The following TRIP12 variants were observed in gnomAD, a reference collection of about 807,000 sequenced individuals.
TRIP12 encodes the protein E3 ubiquitin-protein ligase TRIP12.
TRIP12 carries 25 observed loss-of-function variants against 244.2 expected under a neutral mutation model. The observed-to-expected ratio is 0.10, with a 90% CI of 0.07 to 0.14. The LOEUF is 0.14. Among genes scored for constraint, TRIP12 ranks in the 10% least tolerant of loss-of-function variants. TRIP12 has a pLI of 1.00. For missense variants in TRIP12, 1,677 were observed against 2,486.4 expected (o/e 0.67, Z 6.92); for synonymous variants, 905 against 873.1 (o/e 1.04, Z -0.64).
chr2:229,832,814 T>C (rs1001315860), intron 6 of TRIP12, among the ~76,000 whole-genome samples: 1 of 152,246 alleles, frequency 6.6e-6, no homozygotes, highest in African/African-American at 2.4e-5. Context: ...CAGTTGCTTC[T>C]TCACATTATA....
intron 1 of TRIP12, among the ~76,000 whole-genome samples, chr2:229,880,733 C>T (rs1304915207): frequency 2.0e-5 from 3 of 152,260 alleles, no homozygotes; most frequent in Admixed American, 1.3e-4. Context: ...CATCTGAGGT[C>T]AGGAGTTCAA....
At chr2:229,900,042 T>A (rs1330180954) in intron 1 of TRIP12, among the ~76,000 whole-genome samples, 2 of 152,228 alleles carry the variant, frequency 1.3e-5, no homozygotes, top group African/African-American at 4.8e-5. Context: ...TTAACTGACA[T>A]GGGTTTATTC....
At chr2:229,793,275 G>T (rs992020505) in intron 26 of TRIP12, 130 bp from the exon 27 acceptor site, 6 of 875,730 alleles carry the variant, frequency 6.9e-6, no homozygotes, top group Non-Finnish European at 9.7e-6. Context: ...TTACTTACCA[G>T]TTCTGTGAAT....
At chr2:229,874,625 C>G (rs2063272261) in intron 2 of TRIP12, among the ~76,000 whole-genome samples, 1 of 151,544 alleles carries the variant, frequency 6.6e-6, no homozygotes, top group Non-Finnish European at 1.5e-5. Flanking sequence ...AACATCATCC[C>G]TATTATTTGT....
chr2:229,843,106 C>A (rs940917601), intron 4 of TRIP12, among the ~76,000 whole-genome samples: 1 of 145,602 alleles, frequency 6.9e-6, no homozygotes, highest in Non-Finnish European at 1.5e-5. Flanking sequence ...CTCTCCCTCC[C>A]TCTCTCCCCA....
At chr2:229,857,772 A>C (rs2059842242) in intron 4 of TRIP12, among the ~76,000 whole-genome samples, 1 of 152,216 alleles carries the variant, frequency 6.6e-6, no homozygotes, top group Admixed American at 6.5e-5. Flanking sequence ...TGACTCATGA[A>C]GGAATGCACA....
chr2:229,787,097 A>T (rs1246409515), intron 33 of TRIP12, among the ~76,000 whole-genome samples: 2 of 152,214 alleles, frequency 1.3e-5, no homozygotes, highest in Non-Finnish European at 2.9e-5. Flanking sequence ...GGCTCTTCTA[A>T]TTGGAGTGAC....
chr2:229,851,004 T>G (rs1429348286), intron 4 of TRIP12, among the ~76,000 whole-genome samples: 1 of 152,166 alleles, frequency 6.6e-6, no homozygotes, highest in Non-Finnish European at 1.5e-5. Context: ...TTCCCCCACC[T>G]CCGTGGGCTC....
chr2:229,922,289 G>A (rs143723443), upstream of TRIP12: 2 of 563,272 alleles, frequency 3.6e-6, no homozygotes, highest in Admixed American at 3.1e-5. Context: ...TCCCCTCCGT[G>A]GTAGCAGGAA....
rs144686733 is a variant in TRIP12 at position 229,796,748 on chromosome 2, C to T, written c.3659G>A (p.Arg1220His). 2.5e-6 allele frequency: 4 copies of T among 1,600,886 alleles called. No homozygotes were observed. Among genetic ancestry groups the T allele is most frequent in the Non-Finnish European group, 3.4e-6 (4 of 1,175,950 alleles). ...AACATCTGACTCTGAGACTATGCTACGGATTTCTACAAGGCACTCAGCTCC... is the reference window on the plus strand; with the variant it reads ...AACATCTGACTCTGAGACTATGCTATGGATTTCTACAAGGCACTCAGCTCC... Reference protein sequence around the residue: ...DGGAECLVEIRSIVSESDVSS... With the variant: ...DGGAECLVEIHSIVSESDVSS... Residue 1220 changes from arginine to histidine, a missense_variant, in exon 25 of 42, where the codon CGT becomes CAT. Arg to His is a conservative substitution (Grantham distance 29). Coordinates refer to ENST00000675903, the MANE Select transcript of TRIP12 (RefSeq NM_001348323.3).
chr2:229,833,157 A>G (rs1045160021), intron 6 of TRIP12, among the ~76,000 whole-genome samples: 5 of 152,372 alleles, frequency 3.3e-5, no homozygotes, highest in African/African-American at 4.8e-5. Context: ...TTCATAATGA[A>G]TATCTCAAAC....
chr2:229,853,861 T>C (rs1300251436), intron 4 of TRIP12, among the ~76,000 whole-genome samples: 1 of 152,194 alleles, frequency 6.6e-6, no homozygotes. Context: ...ATAGGGTTGG[T>C]ATCATAACTA....
chr2:229,906,273 T>C (rs1232474495), intron 1 of TRIP12, among the ~76,000 whole-genome samples: 1 of 135,998 alleles, frequency 7.4e-6, no homozygotes, highest in Non-Finnish European at 1.5e-5. Flanking sequence ...GCCACTGCAC[T>C]CCAACCTGGC....
At chr2:229,866,629 C>T (rs564648033) in intron 2 of TRIP12, among the ~76,000 whole-genome samples, 1 of 152,216 alleles carries the variant, frequency 6.6e-6, no homozygotes, top group East Asian at 1.9e-4. Context: ...TACTAAGCTA[C>T]TCATTTCAAA....
At position 229,798,740 on chromosome 2, in the gene TRIP12, TG is replaced by T. The variant is rs2043440049; in HGVS notation, c.3482+134del. On this transcript the variant is annotated intron_variant, in intron 23 of 41. Transcript: ENST00000675903. ...ATAAACTGAGAAACTACCTAATTCTTGAACTATGCTTTTAAGAACAAATTAA... is the reference window on the plus strand; with the variant it reads ...ATAAACTGAGAAACTACCTAATTCTTAACTATGCTTTTAAGAACAAATTAA... 3.0e-6 allele frequency: 3 copies of T among 990,346 alleles called. No individual in the cohort carries two copies. The South Asian group carries it at 5.2e-5, about 17-fold the overall frequency. The allele number at this position is 990,346 out of a possible 1,614,324, so 61.3% of individuals were successfully genotyped here.
At position 229,786,564 on chromosome 2, in the gene TRIP12, A is replaced by ATTT. The variant is rs34969936; in HGVS notation, c.4996-712_4996-710dup. Reference sequence around the variant, plus strand: ...AGGCATGCGCCACCACGCCCAGATAATTTTTTTTTTTTTTTTTTTTTTTTT... The same window carrying ATTT: ...AGGCATGCGCCACCACGCCCAGATAATTTTTTTTTTTTTTTTTTTTTTTTTTTT... On this transcript the variant is annotated intron_variant, in intron 33 of 41. Coordinates refer to ENST00000675903, the MANE Select transcript of TRIP12 (RefSeq NM_001348323.3). Among the ~76,000 whole-genome samples the ATTT allele has an allele frequency of 2.9e-4, 23 of 78,022 alleles. 2 individuals are homozygous for ATTT. The highest frequency in any genetic ancestry group is 5.2e-4 in the Admixed American group (3 of 5,810). The allele number at this position is 78,022 out of a possible 152,430, so 51.2% of individuals were successfully genotyped here. A position where few individuals can be genotyped will look rare whatever the true frequency, so the allele number is the denominator to read the frequency against.
At chr2:229,906,070 C>T (rs1002074694) in intron 1 of TRIP12, among the ~76,000 whole-genome samples, 5 of 152,054 alleles carry the variant, frequency 3.3e-5, no homozygotes, top group African/African-American at 7.2e-5. Context: ...TTTGGGAGGC[C>T]GAGGTGGGCA....
intron 4 of TRIP12, among the ~76,000 whole-genome samples, chr2:229,855,623 A>G (rs1176769840): frequency 4.5e-5 from 6 of 132,152 alleles, no homozygotes; most frequent in South Asian, 2.6e-4. Flanking sequence ...AAAAAAAAAA[A>G]AGAGAAAAGA....
chr2:229,802,333 G>A lies in TRIP12; in HGVS notation c.3125C>T (p.Ala1042Val), dbSNP rs200534508. Residue 1042 changes from alanine to valine, a missense_variant, in exon 21 of 42, where the codon GCT (alanine) becomes GTT (valine). Physicochemically the swap from Ala to Val is moderately conservative, Grantham distance 64. This residue lies in a region of TRIP12 where 572 missense variants were observed against 867.8 expected (regional missense o/e 0.66). Transcript: ENST00000675903. ...CAAGTCAGCTGCAGCATGAGTGGCA[G>A]CTGTGGCTGTCCCACTGCTGACTGA... ...TTSVSSGTAT[A>V]ATHAAADLGS... is the part of the protein sequence containing the mutation. 4.3e-6 allele frequency: 7 copies of A among 1,613,474 alleles called. No homozygotes were observed. Among genetic ancestry groups the A allele is most frequent in the Non-Finnish European group, 5.9e-6 (7 of 1,179,848 alleles).
Sources: allele counts gnomAD v4.1 joint callset (sites outside exome capture counted in the v4.1 genomes callset), GRCh38; gene constraint gnomAD v4.1.1; regional missense constraint gnomAD v4.1.1; transcripts MANE v1.5; gene names NCBI Gene and HGNC (gene_info 2026-07-23, HGNC 2026-07-21).